Variants in PPARGC1A observed in about 807,000 individuals in gnomAD.
PPARGC1A encodes PPARG coactivator 1 alpha.
Under a neutral mutation model 88.7 loss-of-function variants are expected in PPARGC1A, and 25 were observed. The ratio of observed to expected loss-of-function variants is 0.28; its 90% CI spans 0.21 to 0.39. The LOEUF is 0.39. Ranked by LOEUF, PPARGC1A falls within the 10% of genes least tolerant of loss-of-function variation. PPARGC1A has a pLI of 1.00. For synonymous variants in PPARGC1A, 363 were observed against 355.6 expected (o/e 1.02, Z -0.24); for missense variants, 880 against 968.7 (o/e 0.91, Z 1.22).
chr4:23,906,174 T>C (rs1476465371), upstream of PPARGC1A, among the ~76,000 whole-genome samples: 4 of 152,182 alleles, frequency 2.6e-5, no homozygotes, highest in Non-Finnish European at 1.5e-5. Flanking sequence ...TTCAGGTCAC[T>C]GAAGCACACC....
At chr4:24,158,804 AG>A in the PPARGC1A span, among the ~76,000 whole-genome samples, 265 of 152,340 alleles carry the variant, frequency 1.7e-3, no homozygotes, top group African/African-American at 5.5e-3. Context: ...AGCAACCAAT[AG>A]CCAGTTATTT....
At chr4:23,981,051 C>T in the PPARGC1A span, among the ~76,000 whole-genome samples, 6 of 151,936 alleles carry the variant, frequency 3.9e-5, no homozygotes, top group Non-Finnish European at 8.8e-5. Context: ...CCTTGTAACT[C>T]ATTATCTACA....
At chr4:24,299,587 A>C in the PPARGC1A span, among the ~76,000 whole-genome samples, 2 of 152,118 alleles carry the variant, frequency 1.3e-5, no homozygotes, top group African/African-American at 2.4e-5. Context: ...AAAAATTGTG[A>C]GCTACCTCAG....
the PPARGC1A span, among the ~76,000 whole-genome samples, chr4:24,306,520 T>C: frequency 2.6e-5 from 4 of 152,216 alleles, no homozygotes; most frequent in African/African-American, 9.6e-5. Context: ...ACATCCAGCA[T>C]AGTAGTACCT....
At chr4:24,454,719 T>C in the PPARGC1A span, among the ~76,000 whole-genome samples, 18 of 148,892 alleles carry the variant, frequency 1.2e-4, no homozygotes, top group Non-Finnish European at 1.6e-4. Context: ...AGCTGGGTGA[T>C]AGAAAGAGAC....
the PPARGC1A span, among the ~76,000 whole-genome samples, chr4:24,234,461 T>TG: frequency 6.6e-6 from 1 of 151,656 alleles, no homozygotes; most frequent in African/African-American, 2.4e-5. Context: ...TCTAAGCCAA[T>TG]GATACACTGG....
chr4:24,236,928 A>T, the PPARGC1A span, among the ~76,000 whole-genome samples: 2 of 152,228 alleles, frequency 1.3e-5, no homozygotes, highest in East Asian at 1.9e-4. Flanking sequence ...AGAAATTAAC[A>T]TGCGCACTGA....
At chr4:24,045,529 T>C in the PPARGC1A span, among the ~76,000 whole-genome samples, 2 of 152,164 alleles carry the variant, frequency 1.3e-5, no homozygotes, top group African/African-American at 4.8e-5. Flanking sequence ...TGGCCTCTTC[T>C]AGCTTCTGGT....
the PPARGC1A span, among the ~76,000 whole-genome samples, chr4:23,992,931 C>G: frequency 6.6e-6 from 1 of 152,058 alleles, no homozygotes; most frequent in Non-Finnish European, 1.5e-5. Context: ...CTGAAAAATT[C>G]AAAGAGCCTT....
chr4:24,044,242 C>G, the PPARGC1A span, among the ~76,000 whole-genome samples: 2 of 152,158 alleles, frequency 1.3e-5, no homozygotes, highest in Non-Finnish European at 2.9e-5. Context: ...CCTGAGCATT[C>G]ACTTACATAA....
At chr4:23,904,583 C>T (rs900511951), upstream of PPARGC1A, among the ~76,000 whole-genome samples, 2 of 152,174 alleles carry the variant, frequency 1.3e-5, no homozygotes, top group South Asian at 2.1e-4. Flanking sequence ...ATTTGGAATA[C>T]GTTGTCAAGT....
chr4:24,258,157 C>G, the PPARGC1A span: 1 of 919,090 alleles, frequency 1.1e-6, no homozygotes, highest in Non-Finnish European at 1.3e-6. Context: ...GGTATTTGCA[C>G]TTCAGAATAA....
the PPARGC1A span, among the ~76,000 whole-genome samples, chr4:24,414,424 G>C: frequency 6.6e-6 from 1 of 152,128 alleles, no homozygotes; most frequent in Non-Finnish European, 1.5e-5. Flanking sequence ...TAGGGGCAAA[G>C]GATGAACTAT....
the PPARGC1A span, among the ~76,000 whole-genome samples, chr4:23,998,554 G>T: frequency 6.6e-6 from 1 of 152,142 alleles, no homozygotes; most frequent in East Asian, 1.9e-4. Flanking sequence ...AGCAATGGTA[G>T]GTCACATGAT....
chr4:23,941,970 T>C, the PPARGC1A span, among the ~76,000 whole-genome samples: 4,323 of 152,262 alleles, frequency 0.028, 81 homozygotes, highest in Non-Finnish European at 0.04. Context: ...CCAGAGCTCT[T>C]TGGACTCCCT....
chr4:24,214,752 C>T, the PPARGC1A span, among the ~76,000 whole-genome samples: 2 of 152,128 alleles, frequency 1.3e-5, no homozygotes, highest in African/African-American at 4.8e-5. Context: ...AAAGGGAGCA[C>T]TGGAACGCTA....
At chr4:24,060,299 A>G in the PPARGC1A span, among the ~76,000 whole-genome samples, 5 of 152,338 alleles carry the variant, frequency 3.3e-5, no homozygotes, top group East Asian at 5.8e-4. Context: ...TTTTGCAAGC[A>G]AGCCACTATG....
chr4:23,814,312 T>C lies in PPARGC1A; in HGVS notation c.1171A>G (p.Asn391Asp). Residue 391 changes from asparagine to aspartate, a missense_variant, in exon 8 of 13, where the codon AAT becomes GAT. Coordinates refer to ENST00000264867, the MANE Select transcript of PPARGC1A (RefSeq NM_013261.5). ...TTAATGAGTATTTCTGTTTTGGAAT[T>C]AATTGACTGGCAATAGTCATGGTCA... ...FGDHDYCQSI[N>D]SKTEILINIS... is the part of the protein sequence containing the mutation. 1.9e-6 allele frequency: 3 copies of C among 1,614,028 alleles called. No homozygotes were observed. The highest frequency in any genetic ancestry group is 2.5e-6 in the Non-Finnish European group (3 of 1,179,982).
the PPARGC1A span, among the ~76,000 whole-genome samples, chr4:24,060,839 C>T: frequency 6.6e-6 from 1 of 152,054 alleles, no homozygotes; most frequent in African/African-American, 2.4e-5. Flanking sequence ...GGGCTTACAA[C>T]ATGCCAGCCC....
Sources: gnomAD v4.1 joint callset for allele counts (sites outside exome capture counted in the v4.1 genomes callset) on GRCh38, gnomAD v4.1.1 for gene constraint, MANE v1.5 for transcripts, NCBI Gene and HGNC (gene_info 2026-07-23, HGNC 2026-07-21) for gene names.